GRIK2: variants seen among roughly 807,000 people sequenced by gnomAD.
GRIK2 encodes glutamate ionotropic receptor kainate type subunit 2.
Under a neutral mutation model 100.3 loss-of-function variants are expected in GRIK2, and 32 were observed. The observed-to-expected ratio is 0.32, with a 90% CI of 0.24 to 0.43. The LOEUF is 0.43. GRIK2 is among the 20% of genes least tolerant of loss of function. The pLI, the probability that GRIK2 is intolerant of heterozygous loss-of-function variation, is 1.00. For synonymous variants in GRIK2, 417 were observed against 389.4 expected (o/e 1.07, Z -0.83); for missense variants, 843 against 1,114.9 (o/e 0.76, Z 3.47).
At chr6:101,861,930 A>G (rs978106907) in intron 11 of GRIK2, among the ~76,000 whole-genome samples, 1 of 152,144 alleles carries the variant, frequency 6.6e-6, no homozygotes, top group Admixed American at 6.5e-5. Context: ...TTATATTACT[A>G]TCTTGAGGTT....
chr6:101,884,181 G>A (rs927431812), intron 11 of GRIK2, among the ~76,000 whole-genome samples: 6 of 152,096 alleles, frequency 3.9e-5, no homozygotes, highest in East Asian at 1.9e-4. Context: ...TTAGGAATGC[G>A]TGGTATTACT....
At chr6:101,673,163 C>A (rs1407742083) in intron 4 of GRIK2, among the ~76,000 whole-genome samples, 2 of 152,022 alleles carry the variant, frequency 1.3e-5, no homozygotes, top group Non-Finnish European at 2.9e-5. Context: ...AGTCCGCAAG[C>A]AAAAAATAAT....
At chr6:101,686,630 A>T (rs1771721159) in intron 7 of GRIK2, among the ~76,000 whole-genome samples, 2 of 152,160 alleles carry the variant, frequency 1.3e-5, no homozygotes, top group Admixed American at 1.3e-4. Context: ...TTAGTGCCCT[A>T]CATGGGAGAA....
chr6:101,659,481 A>G (rs1769448764), intron 4 of GRIK2, among the ~76,000 whole-genome samples: 2 of 151,850 alleles, frequency 1.3e-5, no homozygotes, highest in African/African-American at 2.4e-5. Context: ...TTACATTTTA[A>G]TATTGTTATG....
intron 9 of GRIK2, among the ~76,000 whole-genome samples, 177 bp downstream of exon 9, chr6:101,802,615 G>T (rs1780747082): frequency 1.3e-5 from 2 of 151,904 alleles, no homozygotes; most frequent in Admixed American, 6.6e-5. Context: ...CAAGGATAAA[G>T]GGTATCTTAA....
At chr6:101,934,404 C>T (rs1414817774) in intron 14 of GRIK2, among the ~76,000 whole-genome samples, 4 of 151,760 alleles carry the variant, frequency 2.6e-5, no homozygotes, top group Admixed American at 1.3e-4. Context: ...CTGATCTTAC[C>T]AGCTCAATAG....
At chr6:101,854,681 A>G (rs1245785121) in intron 10 of GRIK2, among the ~76,000 whole-genome samples, 5 of 152,278 alleles carry the variant, frequency 3.3e-5, no homozygotes, top group Admixed American at 6.5e-5. Context: ...ACAACTTTAA[A>G]TGTATTGTTA....
At chr6:101,844,382 A>T (rs986233634) in intron 10 of GRIK2, among the ~76,000 whole-genome samples, 5 of 152,182 alleles carry the variant, frequency 3.3e-5, no homozygotes, top group African/African-American at 1.2e-4. Flanking sequence ...GATGTTTCTC[A>T]ATATGTGTGT....
At chr6:101,638,363 T>C (rs559095475) in intron 4 of GRIK2, among the ~76,000 whole-genome samples, 1 of 151,932 alleles carries the variant, frequency 6.6e-6, no homozygotes, top group African/African-American at 2.4e-5. Context: ...TACACAATAG[T>C]ATCAAACGTG....
At chr6:101,535,446 A>G (rs532896176) in intron 2 of GRIK2, among the ~76,000 whole-genome samples, 4 of 151,874 alleles carry the variant, frequency 2.6e-5, no homozygotes, top group East Asian at 3.9e-4. Flanking sequence ...TTTGTTTTCA[A>G]TGTAAATAAA....
chr6:101,948,424 G>A (rs2852598), intron 14 of GRIK2, among the ~76,000 whole-genome samples: 5,124 of 144,752 alleles, frequency 0.035, 316 homozygotes, highest in African/African-American at 0.12. Flanking sequence ...CCATTTTAAC[G>A]TGTGATCAGT....
chr6:101,680,689 A>G (rs1771177889), intron 5 of GRIK2, among the ~76,000 whole-genome samples: 1 of 151,992 alleles, frequency 6.6e-6, no homozygotes, highest in Non-Finnish European at 1.5e-5. Context: ...TTGATAAAGT[A>G]AAAAAAATTG....
At chr6:101,687,392 C>T (rs1357514280) in intron 7 of GRIK2, among the ~76,000 whole-genome samples, 1 of 151,894 alleles carries the variant, frequency 6.6e-6, no homozygotes, top group Non-Finnish European at 1.5e-5. Flanking sequence ...AAATTACCAT[C>T]TGCTTTTAAT....
chr6:101,927,062 G>A (rs1789949508), intron 13 of GRIK2, among the ~76,000 whole-genome samples: 1 of 152,224 alleles, frequency 6.6e-6, no homozygotes, highest in South Asian at 2.1e-4. Context: ...ACATCAGAAA[G>A]GTACTTTTCT....
intron 3 of GRIK2, among the ~76,000 whole-genome samples, chr6:101,625,828 G>A (rs887209487): frequency 2.0e-5 from 3 of 152,122 alleles, no homozygotes; most frequent in African/African-American, 7.2e-5. Context: ...TCTACTCAGT[G>A]TGACTGATCC....
intron 12 of GRIK2, chr6:101,890,333 A>G (rs1786966245): frequency 6.6e-6 from 1 of 152,598 alleles, no homozygotes; most frequent in Non-Finnish European, 1.5e-5. Flanking sequence ...ATTCTACATA[A>G]TATTTGTGGT....
intron 7 of GRIK2, among the ~76,000 whole-genome samples, chr6:101,757,401 A>G (rs927958835): frequency 6.6e-6 from 1 of 152,204 alleles, no homozygotes; most frequent in Admixed American, 6.5e-5. Flanking sequence ...TAAAATGTAA[A>G]CAAAATTGGA....
intron 7 of GRIK2, among the ~76,000 whole-genome samples, chr6:101,782,212 C>A (rs1223227667): frequency 6.6e-6 from 1 of 152,092 alleles, no homozygotes; most frequent in East Asian, 1.9e-4. Flanking sequence ...ACATTGCAAT[C>A]CTCTCTTCTA....
Position 101,879,499 on chromosome 6 carries a change from C to T in GRIK2, c.1525-10141C>T, listed in dbSNP as rs564422094. ...GTTTTATTTGAATTCAGTGTCCTTA[C>T]GGAAGACTCATCCATTACCCTGGAC... On this transcript the variant is annotated intron_variant, in intron 11 of 16. Coordinates refer to ENST00000369134, the MANE Select transcript of GRIK2 (RefSeq NM_021956.5). 1.4e-3 allele frequency among the ~76,000 whole-genome samples: 208 copies of T among 152,040 alleles called. 1 individual carries two copies. Among genetic ancestry groups the T allele is most frequent in the African/African-American group, 3.9e-3 (161 of 41,516 alleles).
Sources: allele counts gnomAD v4.1 joint callset (sites outside exome capture counted in the v4.1 genomes callset), GRCh38; gene constraint gnomAD v4.1.1; transcripts MANE v1.5; gene names NCBI Gene and HGNC (gene_info 2026-07-23, HGNC 2026-07-21).